The following ELAPOR2 variants were observed in gnomAD, a reference collection of about 807,000 sequenced individuals.
ELAPOR2 encodes the protein endosome-lysosome associated apoptosis and autophagy regulator family member 2, also known as endosome/lysosome-associated apoptosis and autophagy regulator family member 2.
ELAPOR2 carries 89 observed loss-of-function variants against 120.7 expected under a neutral mutation model. That is an observed-to-expected ratio of 0.74 (90% CI 0.62 to 0.88). The LOEUF is 0.88. ELAPOR2 is among the 40% of genes least tolerant of loss of function. The pLI, the probability that ELAPOR2 is intolerant of heterozygous loss-of-function variation, is 0.00. For missense variants in ELAPOR2, 1,134 were observed against 1,251.6 expected (o/e 0.91, Z 1.42); for synonymous variants, 444 against 444.9 (o/e 1.00, Z 0.03).
At chr7:86,980,067 A>G (rs1792413011) in intron 1 of ELAPOR2, among the ~76,000 whole-genome samples, 1 of 152,246 alleles carries the variant, frequency 6.6e-6, no homozygotes, top group Non-Finnish European at 1.5e-5. Flanking sequence ...TGACAGAGAT[A>G]TTAAAGAAGA....
At position 87,011,954 on chromosome 7, in the gene ELAPOR2, G is replaced by C. The variant is rs1371105512; in HGVS notation, c.190-46930C>G. ...CACATTAAAATGATTTTAAAAACAG[G>C]TAAAATTAATTTTAATAATATATTT... On this transcript the variant is annotated intron_variant, in intron 1 of 21. Transcript: ENST00000450689. Among the ~76,000 whole-genome samples, 3 of 152,106 alleles carry C rather than the reference G, an allele frequency of 2.0e-5. No individual in the cohort carries two copies. In the East Asian group the frequency reaches 5.8e-4, roughly 29 times the overall value.
chr7:86,999,452 C>T lies in ELAPOR2; in HGVS notation c.190-34428G>A, dbSNP rs964365110. 3.3e-5 allele frequency among the ~76,000 whole-genome samples: 5 copies of T among 152,066 alleles called. No individual in the cohort carries two copies. The East Asian group carries it at 9.6e-4, about 29-fold the overall frequency. The stretch of plus-strand genomic sequence containing the variant: ...CTTAACTAATCTTAAGTGAAATATT[C>T]TATAAGTTATCATCTTGACAATTCA... On this transcript the variant is annotated intron_variant, in intron 1 of 21. Transcript: ENST00000450689.
intron 1 of ELAPOR2, among the ~76,000 whole-genome samples, chr7:87,024,368 A>C (rs1215890166): frequency 1.2e-4 from 18 of 152,160 alleles, no homozygotes; most frequent in Admixed American, 1.1e-3. Context: ...GATTACGTTT[A>C]TTGATTTGCA....
intron 2 of ELAPOR2, among the ~76,000 whole-genome samples, chr7:86,957,056 C>A (rs955026501): frequency 6.6e-6 from 1 of 152,152 alleles, no homozygotes; most frequent in Non-Finnish European, 1.5e-5. Flanking sequence ...GAGAAGTTCC[C>A]CCAACCATAG....
chr7:86,908,663 C>T lies in ELAPOR2; in HGVS notation c.2360-120G>A, dbSNP rs141896174. Reference sequence around the variant, plus strand: ...TCATTTTACAATATTTACAGAAATGCTGTATTATATTAATGCATTCATGGT... The same window carrying T: ...TCATTTTACAATATTTACAGAAATGTTGTATTATATTAATGCATTCATGGT... On this transcript the variant is annotated intron_variant, in intron 16 of 21. Transcript: ENST00000450689. The T allele has an allele frequency of 1.2e-3, 630 of 531,908 alleles. 4 individuals are homozygous for T. The highest frequency in any genetic ancestry group is 7.7e-3 in the African/African-American group (386 of 49,940). 32.9% of individuals were successfully genotyped at this position (531,908 alleles called of 1,614,324 possible).
intron 1 of ELAPOR2, among the ~76,000 whole-genome samples, chr7:87,033,932 GA>G (rs1328320556): frequency 6.6e-6 from 1 of 152,052 alleles, no homozygotes; most frequent in Non-Finnish European, 1.5e-5. Context: ...ACAGAAAAAG[GA>G]TGAATTATGG....
At chr7:86,913,238 C>T (rs1789408396) in intron 13 of ELAPOR2, 34 bp from the exon 14 acceptor site, 4 of 1,601,540 alleles carry the variant, frequency 2.5e-6, no homozygotes, top group Non-Finnish European at 3.4e-6. Flanking sequence ...TGACTTCTGC[C>T]TTGGGGCTTA....
chr7:86,881,205 T>C (rs1310230661), intron 21 of ELAPOR2, among the ~76,000 whole-genome samples: 1 of 152,094 alleles, frequency 6.6e-6, no homozygotes, highest in East Asian at 1.9e-4. Flanking sequence ...CAACCTTTTA[T>C]TGTATTTTTG....
intron 1 of ELAPOR2, among the ~76,000 whole-genome samples, chr7:86,988,183 A>C (rs1562957591): frequency 6.6e-6 from 1 of 152,092 alleles, no homozygotes; most frequent in African/African-American, 2.4e-5. Flanking sequence ...AATATCACAC[A>C]CCAGGGCCTG....
intron 1 of ELAPOR2, among the ~76,000 whole-genome samples, chr7:86,977,213 T>C (rs1282724272): frequency 6.6e-6 from 1 of 152,158 alleles, no homozygotes; most frequent in Admixed American, 6.5e-5. Context: ...TTTTTACAGA[T>C]AAGGAAACCA....
intron 1 of ELAPOR2, among the ~76,000 whole-genome samples, chr7:86,973,173 T>C (rs1256006945): frequency 6.6e-6 from 1 of 152,172 alleles, no homozygotes; most frequent in Non-Finnish European, 1.5e-5. Flanking sequence ...CATTATGTCA[T>C]CCTTGCTCAA....
chr7:86,916,696 A>T (rs1377324611), intron 12 of ELAPOR2, among the ~76,000 whole-genome samples: 1 of 152,154 alleles, frequency 6.6e-6, no homozygotes, highest in Non-Finnish European at 1.5e-5. Flanking sequence ...AACAATTTCC[A>T]AGGGGACCCA....
intron 1 of ELAPOR2, among the ~76,000 whole-genome samples, chr7:86,989,683 C>T (rs866059066): frequency 1.9e-4 from 29 of 152,212 alleles, no homozygotes; most frequent in Non-Finnish European, 2.6e-4. Context: ...GCTGCGTCTT[C>T]GCCTCAAGTT....
intron 1 of ELAPOR2, among the ~76,000 whole-genome samples, chr7:87,032,365 T>A (rs1794447767): frequency 6.6e-6 from 1 of 152,192 alleles, no homozygotes; most frequent in African/African-American, 2.4e-5. Flanking sequence ...CTGAGCCATA[T>A]TAACTGATAA....
chr7:86,977,230 A>T (rs979875629), intron 1 of ELAPOR2, among the ~76,000 whole-genome samples: 2 of 152,160 alleles, frequency 1.3e-5, no homozygotes, highest in Non-Finnish European at 2.9e-5. Context: ...ACCAACAAAG[A>T]TTTAAGTAAC....
intron 1 of ELAPOR2, among the ~76,000 whole-genome samples, chr7:87,040,122 G>A (rs531493610): frequency 2.8e-4 from 42 of 152,324 alleles, no homozygotes; most frequent in South Asian, 2.5e-3. Context: ...AGGGTCCTAC[G>A]CCCACGGAGT....
In ELAPOR2 at chr7:87,059,539, C is replaced by T. The variant is rs929711957; in HGVS notation, c.-26G>A. Reference sequence around the variant, plus strand: ...CTTCGTCCGGCCGCGGTCGGCGGGCCGGCGGCAAGGCAGCCTTCCCGGGGT... The same window carrying T: ...CTTCGTCCGGCCGCGGTCGGCGGGCTGGCGGCAAGGCAGCCTTCCCGGGGT... On this transcript the variant is annotated 5_prime_UTR_variant, in exon 1 of 22. Coordinates refer to ENST00000450689, the MANE Select transcript of ELAPOR2 (RefSeq NM_001142749.3). The T allele has an allele frequency of 1.4e-5, 16 of 1,172,854 alleles. No homozygotes were observed. The highest frequency in any genetic ancestry group is 3.5e-4 in the Middle Eastern group (1 of 2,872). The allele number at this position is 1,172,854 out of a possible 1,614,324, so 72.7% of individuals were successfully genotyped here. A position where few individuals can be genotyped will look rare whatever the true frequency, so the allele number is the denominator to read the frequency against.
intron 1 of ELAPOR2, among the ~76,000 whole-genome samples, chr7:87,039,076 A>G (rs1166907391): frequency 2.6e-5 from 4 of 152,150 alleles, no homozygotes; most frequent in Non-Finnish European, 5.9e-5. Flanking sequence ...AATGAAAAAG[A>G]AGACATTACA....
chr7:86,949,476 C>T (rs1187573783), intron 2 of ELAPOR2, among the ~76,000 whole-genome samples: 1 of 152,172 alleles, frequency 6.6e-6, no homozygotes, highest in Non-Finnish European at 1.5e-5. Flanking sequence ...AGAGCCCCGT[C>T]CTCCCAGGCA....
Sources: allele counts gnomAD v4.1 joint callset (sites outside exome capture counted in the v4.1 genomes callset), GRCh38; gene constraint gnomAD v4.1.1; transcripts MANE v1.5; gene names NCBI Gene and HGNC (gene_info 2026-07-23, HGNC 2026-07-21).